USP34: variants seen among roughly 807,000 people sequenced by gnomAD.
USP34 encodes ubiquitin carboxyl-terminal hydrolase 34.
Under a neutral mutation model 460.3 loss-of-function variants are expected in USP34, and 70 were observed. That is an observed-to-expected ratio of 0.15 (90% CI 0.13 to 0.19). The LOEUF is 0.19. USP34 is among the 10% of genes least tolerant of loss of function. The pLI is 1.00. For missense variants in USP34, 3,985 were observed against 4,236.2 expected (o/e 0.94, Z 1.65); for synonymous variants, 1,647 against 1,405.3 (o/e 1.17, Z -3.85).
chr2:61,388,226 A>G (rs1693227364), intron 5 of USP34, among the ~76,000 whole-genome samples: 2 of 152,048 alleles, frequency 1.3e-5, no homozygotes, highest in Admixed American at 1.3e-4. Context: ...CTGGGTGACA[A>G]GAGTAAGACA....
intron 2 of USP34, among the ~76,000 whole-genome samples, chr2:61,415,342 A>T (rs1355488982): frequency 6.6e-6 from 1 of 152,202 alleles, no homozygotes; most frequent in African/African-American, 2.4e-5. Context: ...ATAGAAAATT[A>T]ACTGAATGAA....
At chr2:61,346,954 A>G (rs1384907618) in intron 15 of USP34, among the ~76,000 whole-genome samples, 1 of 151,880 alleles carries the variant, frequency 6.6e-6, no homozygotes, top group African/African-American at 2.4e-5. Context: ...CCTGGTCAAC[A>G]CGGTGAAACC....
chr2:61,393,028 A>G (rs1002418417), intron 5 of USP34, among the ~76,000 whole-genome samples: 6 of 152,234 alleles, frequency 3.9e-5, no homozygotes, highest in African/African-American at 9.6e-5. Context: ...TACACACTTT[A>G]TATGTCAAGT....
At position 61,344,252 on chromosome 2, in the gene USP34, G is replaced by A. The variant is rs547229328; in HGVS notation, c.2286-223C>T. On this transcript the variant is annotated intron_variant, in intron 15 of 79. Coordinates refer to ENST00000398571, the MANE Select transcript of USP34 (RefSeq NM_014709.4). ...ACAGTCATATTACCAGGCCTATTAA[G>A]ACACCTCATTAAAACAAATTCAAAG... Among the ~76,000 whole-genome samples the A allele has an allele frequency of 3.3e-5, 5 of 152,074 alleles. No individual in the cohort carries two copies. The South Asian group carries it at 1.0e-3, about 32-fold the overall frequency.
chr2:61,438,633 A>G (rs1241314314), intron 1 of USP34, among the ~76,000 whole-genome samples: 1 of 144,324 alleles, frequency 6.9e-6, no homozygotes, highest in East Asian at 2.0e-4. Flanking sequence ...CAAAAAAAAA[A>G]CACTCTCAAT....
chr2:61,452,743 G>A (rs1378124980), intron 1 of USP34, among the ~76,000 whole-genome samples: 2 of 150,608 alleles, frequency 1.3e-5, no homozygotes, highest in African/African-American at 2.4e-5. Flanking sequence ...CAAAAGTTAA[G>A]AATTAGCTGG....
At chr2:61,245,673 TA>T (rs924167613) in intron 50 of USP34, among the ~76,000 whole-genome samples, 1 of 151,826 alleles carries the variant, frequency 6.6e-6, no homozygotes, top group East Asian at 1.9e-4. Context: ...TTCAAATGGA[TA>T]AAAAAAGGAA....
At chr2:61,217,863 G>C (rs4672425) in intron 67 of USP34, among the ~76,000 whole-genome samples, 49,748 of 151,908 alleles carry the variant, frequency 0.33, 8,350 homozygotes, top group South Asian at 0.38. Flanking sequence ...GCTGAGACAG[G>C]AGAACTGCTT....
At chr2:61,284,175 C>T (rs1284645207) in intron 35 of USP34, among the ~76,000 whole-genome samples, 1 of 152,028 alleles carries the variant, frequency 6.6e-6, no homozygotes, top group Admixed American at 6.5e-5. Context: ...AATAAGTAAA[C>T]CCTCAAGAAG....
intron 57 of USP34, among the ~76,000 whole-genome samples, chr2:61,234,593 G>C (rs1688008812): frequency 6.6e-6 from 1 of 152,090 alleles, no homozygotes; most frequent in Admixed American, 6.6e-5. Context: ...GGAAGAAATA[G>C]GAAGATGATG....
At chr2:61,206,948 G>GGTA (rs1327748284) in intron 70 of USP34, 62 bp from the exon 71 acceptor site, 3 of 1,542,392 alleles carry the variant, frequency 1.9e-6, no homozygotes, top group Non-Finnish European at 2.7e-6. Flanking sequence ...GCCACAAAAT[G>GGTA]GTAGTACTCG....
intron 51 of USP34, among the ~76,000 whole-genome samples, chr2:61,242,452 A>AATAC (rs1302674002): frequency 6.4e-5 from 7 of 110,094 alleles, no homozygotes; most frequent in Admixed American, 2.0e-4. Context: ...AACCAAAGAT[A>AATAC]ATACATACAC....
intron 10 of USP34, among the ~76,000 whole-genome samples, chr2:61,352,716 ATTAT>A (rs937377115): frequency 6.6e-6 from 1 of 151,654 alleles, no homozygotes; most frequent in Non-Finnish European, 1.5e-5. Flanking sequence ...AAATGTGTAC[ATTAT>A]TTAATTCCAC....
intron 63 of USP34, 41 bp downstream of exon 63, chr2:61,223,207 T>A: frequency 6.2e-7 from 1 of 1,613,432 alleles, no homozygotes; most frequent in Non-Finnish European, 8.5e-7. Context: ...CGTTATTATT[T>A]TTGTGATGAT....
intron 69 of USP34, 23 bp from the exon 70 acceptor site, chr2:61,209,000 G>T (rs774911316): frequency 1.3e-6 from 2 of 1,491,500 alleles, no homozygotes; most frequent in South Asian, 2.7e-5. Context: ...ATAAAGTTCA[G>T]TTTGAGAAGT....
At chr2:61,391,676 T>A (rs535801905) in intron 5 of USP34, among the ~76,000 whole-genome samples, 1 of 152,102 alleles carries the variant, frequency 6.6e-6, no homozygotes, top group Non-Finnish European at 1.5e-5. Context: ...AGAAAAGGAA[T>A]AGACATACAA....
intron 2 of USP34, chr2:61,416,895 G>A (rs1339265112): frequency 6.3e-6 from 6 of 945,142 alleles, no homozygotes; most frequent in African/African-American, 3.2e-5. Context: ...ATGAGTGCAG[G>A]GCCAGCCACT....
At chr2:61,375,517 C>T (rs556397208) in intron 8 of USP34, among the ~76,000 whole-genome samples, 1 of 152,006 alleles carries the variant, frequency 6.6e-6, no homozygotes, top group Non-Finnish European at 1.5e-5. Flanking sequence ...CGCCTGTAAT[C>T]CCAGCACTTT....
chr2:61,280,988 A>G (rs954070100), intron 38 of USP34, 102 bp downstream of exon 38: 1 of 1,251,850 alleles, frequency 8.0e-7, no homozygotes, highest in Non-Finnish European at 1.1e-6. Context: ...AATCACATAC[A>G]GTAGTCAAAT....
Sources: allele counts gnomAD v4.1 joint callset (sites outside exome capture counted in the v4.1 genomes callset), GRCh38; gene constraint gnomAD v4.1.1; transcripts MANE v1.5; gene names NCBI Gene and HGNC (gene_info 2026-07-23, HGNC 2026-07-21).